P4HB: variants seen among roughly 807,000 people sequenced by gnomAD.
The protein encoded by P4HB is prolyl 4-hydroxylase subunit beta.
Under a neutral mutation model 52.6 loss-of-function variants are expected in P4HB, and 20 were observed. The ratio of observed to expected loss-of-function variants is 0.38; its 90% CI spans 0.27 to 0.55. The LOEUF (loss-of-function observed/expected upper bound fraction) is 0.55. P4HB is among the 20% of genes least tolerant of loss of function. The probability of loss-of-function intolerance (pLI) is 0.74; values close to 1 mark genes in which losing one functional copy is unlikely to be tolerated. For missense variants in P4HB, 601 were observed against 669.2 expected, an observed-to-expected ratio of 0.90 and a Z score of 1.12; for synonymous variants, 296 against 277.9, an observed-to-expected ratio of 1.07 and a Z score of -0.65.
chr17:81,847,803 G>C (rs944479627), intron 4 of P4HB: 1 of 170,990 alleles, frequency 5.8e-6, no homozygotes, highest in Non-Finnish European at 1.3e-5. Flanking sequence ...TTAGCCTCCC[G>C]AGTAGCTAGG....
At position 81,855,481 on chromosome 17, in the gene P4HB, C is replaced by A. The variant is rs2038899865; in HGVS notation, c.458G>T (p.Ser153Ile). The A allele has an allele frequency of 6.2e-7, 1 of 1,613,648 alleles. No homozygotes were observed. The highest frequency in any genetic ancestry group is 1.3e-5 in the African/African-American group (1 of 75,050). ...GAAAESLVES[S>I]EVAVIGFFKD... is the part of the protein sequence containing the mutation. ...GAAGAAGCCGATGACAGCCACCTCGCTGGACTCCACCAAGGACTCTGCAGC... is the reference window on the plus strand; with the variant it reads ...GAAGAAGCCGATGACAGCCACCTCGATGGACTCCACCAAGGACTCTGCAGC... Residue 153 changes from serine (S) to isoleucine (I), a missense_variant, in exon 3 of 11, where the codon AGC becomes ATC. By Grantham distance (142) the Ser-to-Ile change is moderately radical (BLOSUM62 -2). Coordinates refer to ENST00000331483, the MANE Select transcript of P4HB (RefSeq NM_000918.4). This position sits in a 1 kb window ranked among gnomAD's most constrained non-coding sequence, Gnocchi z 4.3.
Position 81,855,804 on chromosome 17 carries a change from G to A in P4HB, c.353-218C>T, listed in dbSNP as rs1358981787. ...GGTTGTGTTTATGGGGAGTGGAGAG[G>A]GAAGAGGGTGATTCTGTCTCTGAAT... On this transcript the variant is annotated intron_variant, in intron 2 of 10. Coordinates refer to ENST00000331483, the MANE Select transcript of P4HB (RefSeq NM_000918.4). The surrounding 1 kb of genome is among the most constrained non-coding windows in gnomAD (Gnocchi z 4.3). 30 of 511,072 alleles carry A rather than the reference G, an allele frequency of 5.9e-5. No individual in the cohort carries two copies. 31.7% of individuals were successfully genotyped at this position (511,072 alleles called of 1,614,324 possible).
rs202111707 is a variant in P4HB at position 81,843,941 on chromosome 17, G to A, written c.*71C>T. ...TCCTTCAAGCGAGGCCGCAGGCTTC[G>A]GAGGCGTGCGCTGCTGCTGGGTGTG... On this transcript the variant is annotated 3_prime_UTR_variant, in exon 11 of 11. Coordinates refer to ENST00000331483, the MANE Select transcript of P4HB (RefSeq NM_000918.4). The A allele has an allele frequency of 3.3e-5, 38 of 1,143,502 alleles. No homozygotes were observed. In the African/African-American group the frequency reaches 4.0e-4, roughly 12 times the overall value. 70.8% of individuals were successfully genotyped at this position (1,143,502 alleles called of 1,614,324 possible).
intron 4 of P4HB, among the ~76,000 whole-genome samples, chr17:81,853,297 G>A (rs1034089185): frequency 2.0e-5 from 3 of 152,160 alleles, no homozygotes; most frequent in African/African-American, 7.2e-5. Context: ...AAAGTGAATG[G>A]GTCGGTGGCT....
At position 81,846,859 on chromosome 17, in the gene P4HB, C is replaced by T. The variant is rs2038743323; in HGVS notation, c.855+88G>A. ...GTGCCCGATCCAGTCCAGCAGGCAG[C>T]CTCAGGAAGGCCCCACACTTGTCAC... On this transcript the variant is annotated intron_variant, in intron 6 of 10. Coordinates refer to ENST00000331483, the MANE Select transcript of P4HB (RefSeq NM_000918.4). This position sits in a 1 kb window ranked among gnomAD's most constrained non-coding sequence, Gnocchi z 5.7. 95 of 1,522,372 alleles carry T rather than the reference C, an allele frequency of 6.2e-5. 2 individuals carry two copies. The South Asian group carries it at 1.1e-3, about 17-fold the overall frequency. 94.3% of individuals were successfully genotyped at this position (1,522,372 alleles called of 1,614,324 possible).
intron 2 of P4HB, 134 bp downstream of exon 2, chr17:81,859,047 C>T (rs923062831): frequency 1.6e-5 from 12 of 731,742 alleles, no homozygotes; most frequent in East Asian, 5.2e-5. Context: ...ACAGAGAACC[C>T]GGCCTGAGGA....
chr17:81,857,709 T>C (rs1246552861), intron 2 of P4HB, among the ~76,000 whole-genome samples: 1 of 152,210 alleles, frequency 6.6e-6, no homozygotes, highest in African/African-American at 2.4e-5. Flanking sequence ...GACACACTTT[T>C]ATGCCACCAA....
intron 4 of P4HB, 158 bp from the exon 5 acceptor site, chr17:81,847,505 T>C (rs1184503903): frequency 1.1e-5 from 7 of 653,962 alleles, no homozygotes; most frequent in African/African-American, 1.8e-5. Context: ...GACATGGCTG[T>C]TCCTCGACAG....
At chr17:81,858,692 T>A (rs2038953013) in intron 2 of P4HB, 1 of 171,000 alleles carries the variant, frequency 5.8e-6, no homozygotes, top group Non-Finnish European at 1.3e-5. Flanking sequence ...TCGATGCTGT[T>A]ACTCAGCTGC....
rs2038905282 is a variant in P4HB at position 81,855,831 on chromosome 17, A to G, written c.353-245T>C. 1 of 447,230 alleles carries G rather than the reference A, an allele frequency of 2.2e-6. No individual in the cohort carries two copies. Among genetic ancestry groups the G allele is most frequent in the Non-Finnish European group, 3.9e-6 (1 of 253,754 alleles). The allele number at this position is 447,230 out of a possible 1,614,324, so 27.7% of individuals were successfully genotyped here. On this transcript the variant is annotated intron_variant, in intron 2 of 10. Transcript: ENST00000331483. The surrounding 1 kb of genome is among the most constrained non-coding windows in gnomAD (Gnocchi z 4.3). The stretch of plus-strand genomic sequence containing the variant: ...AAGAGGGTGATTCTGTCTCTGAATA[A>G]CAGGATCACAAACCCATTTTTTTTC...
intron 2 of P4HB, among the ~76,000 whole-genome samples, chr17:81,856,283 C>T (rs2038910763): frequency 6.6e-6 from 1 of 151,784 alleles, no homozygotes; most frequent in Non-Finnish European, 1.5e-5. Context: ...CCTCCTACCT[C>T]AGGCTCCCAA....
At chr17:81,858,366 AAAAGG>A (rs1206704776) in intron 2 of P4HB, among the ~76,000 whole-genome samples, 3 of 152,108 alleles carry the variant, frequency 2.0e-5, no homozygotes, top group Non-Finnish European at 2.9e-5. Flanking sequence ...TTAAGGGGAC[AAAAGG>A]AAACATCAAA....
At chr17:81,851,663 C>T (rs1172989936) in intron 4 of P4HB, among the ~76,000 whole-genome samples, 1 of 152,192 alleles carries the variant, frequency 6.6e-6, no homozygotes, top group Admixed American at 6.5e-5. Flanking sequence ...CCCTGCAGAA[C>T]AATGTCTCTG....
chr17:81,860,259 G>A (rs2143375507), intron 1 of P4HB, 68 bp downstream of exon 1: 2 of 1,264,924 alleles, frequency 1.6e-6, no homozygotes, highest in Non-Finnish European at 2.0e-6. Context: ...CTGCCGGGCC[G>A]TGCCTGCGTC....
chr17:81,843,732 G>C lies in P4HB; in HGVS notation c.*280C>G, dbSNP rs886926360. On this transcript the variant is annotated 3_prime_UTR_variant, in exon 11 of 11. Transcript: ENST00000331483. Reference sequence around the variant, plus strand: ...CTCCGAACACGGTAGCAAGCACTCTGGACAGACTCATGTATGAAAAAGTAC... The same window carrying C: ...CTCCGAACACGGTAGCAAGCACTCTCGACAGACTCATGTATGAAAAAGTAC... The C allele has an allele frequency of 3.5e-6, 2 of 576,138 alleles. No individual in the cohort carries two copies. Among genetic ancestry groups the C allele is most frequent in the Non-Finnish European group, 6.2e-6 (2 of 325,016 alleles). 35.7% of individuals were successfully genotyped at this position (576,138 alleles called of 1,614,324 possible).
In P4HB at chr17:81,855,228, C is replaced by T. The variant is rs780997674; in HGVS notation, c.538G>A (p.Asp180Asn). ...KQFLQAAEAI[D>N]DIPFGITSNS... ...GAAGTGATCCCAAATGGTATGTCAT[C>T]GATGGCCTCTGCTGCCTGCAAAAAC... The change falls in exon 4 of 11, where the codon GAT becomes AAT. Residue 180 changes from aspartate to asparagine, a missense_variant. By Grantham distance (23) the Asp-to-Asn change is conservative (BLOSUM62 1). Coordinates refer to ENST00000331483, the MANE Select transcript of P4HB (RefSeq NM_000918.4). This position sits in a 1 kb window ranked among gnomAD's most constrained non-coding sequence, Gnocchi z 4.3. 4 of 1,613,828 alleles carry T rather than the reference C, an allele frequency of 2.5e-6. No individual in the cohort carries two copies. Among genetic ancestry groups the T allele is most frequent in the Admixed American group, 1.7e-5 (1 of 59,984 alleles).
chr17:81,852,598 G>T (rs1245044698), intron 4 of P4HB, among the ~76,000 whole-genome samples: 1 of 152,278 alleles, frequency 6.6e-6, no homozygotes, highest in Non-Finnish European at 1.5e-5. Context: ...GCCACCTTCA[G>T]TGGGCAGGAA....
Position 81,843,708 on chromosome 17 carries a change from T to C in P4HB, c.*304A>G. The stretch of plus-strand genomic sequence containing the variant: ...TCCCGCGGGAGGGAGGCAGCGAGAC[T>C]CCGAACACGGTAGCAAGCACTCTGG... On this transcript the variant is annotated 3_prime_UTR_variant, in exon 11 of 11. Transcript: ENST00000331483. The C allele has an allele frequency of 2.3e-6, 1 of 435,876 alleles. No individual in the cohort carries two copies. The highest frequency in any genetic ancestry group is 4.0e-6 in the Non-Finnish European group (1 of 246,994). 27.0% of individuals were successfully genotyped at this position (435,876 alleles called of 1,614,324 possible).
chr17:81,860,488 G>C lies in P4HB; in HGVS notation c.-17C>G. On this transcript the variant is annotated 5_prime_UTR_variant, in exon 1 of 11. Coordinates refer to ENST00000331483, the MANE Select transcript of P4HB (RefSeq NM_000918.4). ...GCGCAGCATGTCGGACACGGATCAG[G>C]CGGGGCGCTTCGGTTGGCGCCGCCG... 1 of 1,257,592 alleles carries C rather than the reference G, an allele frequency of 8.0e-7. No individual in the cohort carries two copies. The highest frequency in any genetic ancestry group is 1.0e-6 in the Non-Finnish European group (1 of 998,912). The allele number at this position is 1,257,592 out of a possible 1,614,324, so 77.9% of individuals were successfully genotyped here.
Sources: gnomAD v4.1 joint callset for allele counts (sites outside exome capture counted in the v4.1 genomes callset) on GRCh38, gnomAD v4.1.1 for gene constraint, Gnocchi (gnomAD v3.1) non-coding constraint, MANE v1.5 for transcripts, NCBI Gene and HGNC (gene_info 2026-07-23, HGNC 2026-07-21) for gene names.